The following ZNF791 variants were observed in gnomAD, a reference collection of about 807,000 sequenced individuals.
The protein encoded by ZNF791 is zinc finger protein 791.
ZNF791 carries 4 observed loss-of-function variants against 11.5 expected under a neutral mutation model. The observed-to-expected ratio is 0.35, with a 90% CI of 0.17 to 0.80. The LOEUF (loss-of-function observed/expected upper bound fraction) is 0.80, where lower values mean the gene tolerates loss of function less well. Among genes scored for constraint, ZNF791 ranks in the 30% least tolerant of loss-of-function variants. The pLI is 0.53. For missense variants in ZNF791, 559 were observed against 699.4 expected (o/e 0.80, Z 2.26); for synonymous variants, 212 against 228.1 (o/e 0.93, Z 0.64).
intron 1 of ZNF791, among the ~76,000 whole-genome samples, chr19:12,618,417 G>T (rs190777961): frequency 6.6e-6 from 1 of 151,890 alleles, no homozygotes; most frequent in African/African-American, 2.4e-5. Context: ...AGTCTGAGGC[G>T]GGAAGATTGC....
chr19:12,626,120 G>A (rs1157239281), intron 3 of ZNF791, among the ~76,000 whole-genome samples: 1 of 152,172 alleles, frequency 6.6e-6, no homozygotes, highest in African/African-American at 2.4e-5. Flanking sequence ...TGGTTCAAGG[G>A]ATTCTTCTGC....
Position 12,633,594 on chromosome 19 carries a change from T to A in ZNF791, c.*4334T>A, listed in dbSNP as rs1289231033. The A allele has an allele frequency of 2.6e-5, 4 of 152,200 alleles. No individual in the cohort carries two copies. In the South Asian group the frequency reaches 8.3e-4, roughly 32 times the overall value. 9.4% of individuals were successfully genotyped at this position (152,200 alleles called of 1,614,324 possible). On this transcript the variant is annotated 3_prime_UTR_variant, in exon 4 of 4. Coordinates refer to ENST00000343325, the MANE Select transcript of ZNF791 (RefSeq NM_153358.3). ...AGAGATGTGTTGGTTTCCACAGTTGTCTCCACAAGCTCCGCATCAAAGATC... is the reference window on the plus strand; with the variant it reads ...AGAGATGTGTTGGTTTCCACAGTTGACTCCACAAGCTCCGCATCAAAGATC...
intron 1 of ZNF791, among the ~76,000 whole-genome samples, chr19:12,616,530 C>T (rs915071030): frequency 2.6e-5 from 4 of 152,042 alleles, no homozygotes; most frequent in South Asian, 2.1e-4. Flanking sequence ...GCCAAGGGAT[C>T]GGAGAAAAAA....
At position 12,628,559 on chromosome 19, in the gene ZNF791, C is replaced by A; in HGVS notation, c.1030C>A (p.Arg344=). Residue 344 remains arginine, a synonymous_variant, in exon 4 of 4, where the codon CGA becomes AGA. Transcript: ENST00000343325. ...GKSFSARPAF[R]VHVRVHTGEK... The stretch of plus-strand genomic sequence containing the variant: ...ATCTTTCAGTGCACGCCCAGCCTTT[C>A]GAGTACACGTGAGAGTGCATACTGG... The A allele has an allele frequency of 6.2e-7, 1 of 1,600,436 alleles. No homozygotes were observed. Among genetic ancestry groups the A allele is most frequent in the South Asian group, 1.1e-5 (1 of 88,908 alleles).
chr19:12,615,981 G>A (rs551022333), intron 1 of ZNF791, among the ~76,000 whole-genome samples: 1 of 152,226 alleles, frequency 6.6e-6, no homozygotes, highest in Admixed American at 6.6e-5. Flanking sequence ...CTGGTAAGAG[G>A]ACGTTTTGTT....
rs563957002 is a variant in ZNF791 at position 12,633,799 on chromosome 19, T to G, written c.*4539T>G. The G allele has an allele frequency of 6.6e-6, 1 of 150,574 alleles. No individual in the cohort carries two copies. The highest frequency in any genetic ancestry group is 2.1e-4 in the South Asian group (1 of 4,788). 9.3% of individuals were successfully genotyped at this position (150,574 alleles called of 1,614,324 possible). A position where few individuals can be genotyped will look rare whatever the true frequency, so the allele number is the denominator to read the frequency against. ...GGACTATGTATTCCTGATTCCACCATGACAGCTACAGTAAAACAGTAAAAA... is the reference window on the plus strand; with the variant it reads ...GGACTATGTATTCCTGATTCCACCAGGACAGCTACAGTAAAACAGTAAAAA... On this transcript the variant is annotated 3_prime_UTR_variant, in exon 4 of 4. Transcript: ENST00000343325.
chr19:12,628,446 G>GT lies in ZNF791; in HGVS notation c.918dup (p.Lys307Ter). 6.2e-7 allele frequency: 1 copy of GT among 1,611,984 alleles called. No homozygotes were observed. Among genetic ancestry groups the GT allele is most frequent in the Non-Finnish European group, 8.5e-7 (1 of 1,178,818 alleles). On this transcript the variant is annotated frameshift_variant, in exon 4 of 4. Transcript: ENST00000343325. LOFTEE classifies it low-confidence loss of function (END_TRUNC). ...AAACCCTATAAATGTAAACAATGTG[G>GT]TAAAGCCTTCAGATGTTCCACCTCC...
chr19:12,613,454 G>A (rs1444527356), intron 1 of ZNF791, among the ~76,000 whole-genome samples: 2 of 151,974 alleles, frequency 1.3e-5, no homozygotes, highest in South Asian at 2.1e-4. Context: ...GGAGGCGGGC[G>A]CCTGTAGTCC....
chr19:12,626,600 A>ATTTTAT (rs763344600), intron 3 of ZNF791, among the ~76,000 whole-genome samples: 7 of 151,690 alleles, frequency 4.6e-5, no homozygotes, highest in Non-Finnish European at 1.0e-4. Context: ...ACAGTATTTT[A>ATTTTAT]TTTTATTTTT....
In ZNF791 at chr19:12,622,826, G is replaced by A. The variant is rs903367616; in HGVS notation, c.4-874G>A. 9.2e-5 allele frequency among the ~76,000 whole-genome samples: 14 copies of A among 151,644 alleles called. No individual in the cohort carries two copies. In the East Asian group the frequency reaches 1.4e-3, roughly 15 times the overall value. On this transcript the variant is annotated intron_variant, in intron 1 of 3. Transcript: ENST00000343325. The stretch of plus-strand genomic sequence containing the variant: ...GAGAATTGCTTAAACCTGGAGGGGC[G>A]GAGGTTGCAGTGAGCCGAGATCGCA...
At chr19:12,615,059 G>A (rs563499571) in intron 1 of ZNF791, among the ~76,000 whole-genome samples, 8 of 114,420 alleles carry the variant, frequency 7.0e-5, no homozygotes, top group South Asian at 2.9e-4. Context: ...CCACTCCGTC[G>A]CCCAGGCTGG....
chr19:12,633,826 A>C lies in ZNF791; in HGVS notation c.*4566A>C, dbSNP rs1310628885. On this transcript the variant is annotated 3_prime_UTR_variant, in exon 4 of 4. Transcript: ENST00000343325. ...ACAGCTACAGTAAAACAGTAAAAAA[A>C]AAAAAAAACAACTATATGGGAGTTT... 6.6e-6 allele frequency: 1 copy of C among 151,692 alleles called. No individual in the cohort carries two copies. Among genetic ancestry groups the C allele is most frequent in the African/African-American group, 2.4e-5 (1 of 41,146 alleles). 9.4% of individuals were successfully genotyped at this position (151,692 alleles called of 1,614,324 possible). A position where few individuals can be genotyped will look rare whatever the true frequency, so the allele number is the denominator to read the frequency against.
chr19:12,626,058 C>T lies in ZNF791; in HGVS notation c.191+1348C>T, dbSNP rs148464401. On this transcript the variant is annotated intron_variant, in intron 3 of 3. Coordinates refer to ENST00000343325, the MANE Select transcript of ZNF791 (RefSeq NM_153358.3). Reference sequence around the variant, plus strand: ...TTTGAGACGGAGTCTCGCTCTGTCACCAGGCTAGAGTGCTGTGGCGCAATC... The same window carrying T: ...TTTGAGACGGAGTCTCGCTCTGTCATCAGGCTAGAGTGCTGTGGCGCAATC... Among the ~76,000 whole-genome samples the T allele has an allele frequency of 2.2e-3, 342 of 152,194 alleles. 2 individuals are homozygous for T. The highest frequency in any genetic ancestry group is 7.2e-3 in the African/African-American group (299 of 41,548).
At chr19:12,624,813 G>A in intron 3 of ZNF791, 103 bp downstream of exon 3, 1 of 738,078 alleles carries the variant, frequency 1.4e-6, no homozygotes, top group Non-Finnish European at 2.1e-6. Context: ...ACTTTGAGAG[G>A]CTGAGGTGGG....
chr19:12,619,708 C>T (rs1291066568), intron 1 of ZNF791, among the ~76,000 whole-genome samples: 1 of 151,704 alleles, frequency 6.6e-6, no homozygotes, highest in East Asian at 1.9e-4. Context: ...CTCGGCCTCC[C>T]CAAGTGCTGG....
Position 12,610,937 on chromosome 19 carries a change from C to A in ZNF791, c.-143C>A. 1.7e-6 allele frequency: 2 copies of A among 1,171,482 alleles called. No individual in the cohort carries two copies. Among genetic ancestry groups the A allele is most frequent in the Non-Finnish European group, 1.3e-6 (1 of 790,408 alleles). The allele number at this position is 1,171,482 out of a possible 1,614,324, so 72.6% of individuals were successfully genotyped here. ...CGCTGCGCAAATGCGTGCTACGTCA[C>A]TGTGCGATCGGGTTGTGCTTAGCTT... On this transcript the variant is annotated 5_prime_UTR_variant, in exon 1 of 4. The change creates a new upstream start codon in the 5' untranslated region. Coordinates refer to ENST00000343325, the MANE Select transcript of ZNF791 (RefSeq NM_153358.3).
chr19:12,627,406 C>T (rs2023445788), intron 3 of ZNF791, among the ~76,000 whole-genome samples: 1 of 152,090 alleles, frequency 6.6e-6, no homozygotes, highest in African/African-American at 2.4e-5. Context: ...GCGGGCAGAT[C>T]ACTTGAGGTC....
Position 12,628,775 on chromosome 19 carries a change from G to A in ZNF791, c.1246G>A (p.Glu416Lys). The A allele has an allele frequency of 6.2e-7, 1 of 1,613,882 alleles. No homozygotes were observed. Among genetic ancestry groups the A allele is most frequent in the Non-Finnish European group, 8.5e-7 (1 of 1,179,948 alleles). Residue 416 changes from glutamate (E) to lysine (K), a missense_variant, in exon 4 of 4, where the codon GAA becomes AAA. Glu to Lys is a moderately conservative substitution (Grantham distance 56). Coordinates refer to ENST00000343325, the MANE Select transcript of ZNF791 (RefSeq NM_153358.3). Reference protein sequence around the residue: ...HTGEKPYECKECAKTFISLEN... With the variant: ...HTGEKPYECKKCAKTFISLEN... ...TGGAGAAAAACCCTATGAGTGTAAG[G>A]AATGTGCAAAAACCTTCATTTCTCT...
intron 1 of ZNF791, among the ~76,000 whole-genome samples, chr19:12,616,402 G>A (rs2023245520): frequency 6.6e-6 from 1 of 152,158 alleles, no homozygotes; most frequent in Non-Finnish European, 1.5e-5. Context: ...AGCCCAGCAT[G>A]GGCAACATAA....
Sources: gnomAD v4.1 joint callset for allele counts (sites outside exome capture counted in the v4.1 genomes callset) on GRCh38, gnomAD v4.1.1 for gene constraint, MANE v1.5 for transcripts, NCBI Gene and HGNC (gene_info 2026-07-23, HGNC 2026-07-21) for gene names.